Variants in STXBP5L observed in about 807,000 individuals in gnomAD.
STXBP5L encodes syntaxin binding protein 5L.
Under a neutral mutation model 144.5 loss-of-function variants are expected in STXBP5L, and 65 were observed. That is an observed-to-expected ratio of 0.45 (90% confidence interval 0.37 to 0.55). The LOEUF (loss-of-function observed/expected upper bound fraction) is 0.55, where lower values mean the gene tolerates loss of function less well. Ranked by LOEUF, STXBP5L falls within the 20% of genes least tolerant of loss-of-function variation. The pLI is 0.00. For synonymous variants in STXBP5L, 505 were observed against 469.6 expected (o/e 1.08, Z -0.97); for missense variants, 1,298 against 1,405.5 (o/e 0.92, Z 1.22).
At chr3:120,910,588 T>C (rs1559865381) in intron 2 of STXBP5L, among the ~76,000 whole-genome samples, 1 of 152,162 alleles carries the variant, frequency 6.6e-6, no homozygotes, top group South Asian at 2.1e-4. Flanking sequence ...TTATGTCATA[T>C]AAATGAATAT....
chr3:121,303,034 A>T (rs1373638131), intron 19 of STXBP5L, among the ~76,000 whole-genome samples: 3 of 152,250 alleles, frequency 2.0e-5, no homozygotes, highest in Non-Finnish European at 4.4e-5. Context: ...GATAAATGGG[A>T]TCTAATTAAG....
chr3:121,118,641 C>A (rs1039931971), intron 6 of STXBP5L, among the ~76,000 whole-genome samples: 2 of 151,428 alleles, frequency 1.3e-5, no homozygotes, highest in African/African-American at 2.4e-5. Flanking sequence ...AGGAGTACTA[C>A]CCTGAATGCA....
At chr3:121,007,439 G>A (rs1275387418) in intron 3 of STXBP5L, among the ~76,000 whole-genome samples, 1 of 152,000 alleles carries the variant, frequency 6.6e-6, no homozygotes, top group Admixed American at 6.6e-5. Context: ...TTTGGGAAGA[G>A]TTTGTGTGAA....
chr3:121,269,321 C>T (rs535056861), intron 18 of STXBP5L, among the ~76,000 whole-genome samples: 25 of 152,092 alleles, frequency 1.6e-4, no homozygotes, highest in Non-Finnish European at 3.4e-4. Flanking sequence ...TTTTGAAGAA[C>T]ATATCAAGGG....
At chr3:121,065,407 CAT>C (rs1331106926) in intron 5 of STXBP5L, among the ~76,000 whole-genome samples, 8 of 152,138 alleles carry the variant, frequency 5.3e-5, no homozygotes, top group Non-Finnish European at 7.4e-5. Flanking sequence ...AACACACACA[CAT>C]GTCTTTTGTT....
chr3:121,282,776 ATAAT>A (rs2051103602), intron 19 of STXBP5L, among the ~76,000 whole-genome samples: 2 of 152,150 alleles, frequency 1.3e-5, no homozygotes, highest in East Asian at 1.9e-4. Context: ...CTTCTTTTAA[ATAAT>A]TATATTCCTT....
chr3:121,051,037 A>C (rs533977584), intron 5 of STXBP5L, among the ~76,000 whole-genome samples: 1 of 152,256 alleles, frequency 6.6e-6, no homozygotes, highest in African/African-American at 2.4e-5. Context: ...AGAGCTAACT[A>C]TCCTAAATAT....
chr3:121,165,976 A>ATTCTC (rs57657809), intron 9 of STXBP5L, among the ~76,000 whole-genome samples: 151,998 of 152,184 alleles, frequency 1, 75,906 homozygotes, highest in Middle Eastern at 1. Flanking sequence ...GTTCCATTCT[A>ATTCTC]TTCTCAAATG....
At chr3:121,266,586 C>T (rs1305225642) in intron 18 of STXBP5L, among the ~76,000 whole-genome samples, 2 of 152,164 alleles carry the variant, frequency 1.3e-5, no homozygotes, top group African/African-American at 4.8e-5. Flanking sequence ...TGCGGTCTCT[C>T]ACCACTCCTG....
intron 20 of STXBP5L, among the ~76,000 whole-genome samples, chr3:121,340,569 A>C (rs555143805): frequency 2.7e-5 from 4 of 147,702 alleles, no homozygotes; most frequent in Admixed American, 1.4e-4. Context: ...CCCCTGAGTG[A>C]GAACATGTGG....
At chr3:121,019,385 G>A (rs1418784725) in intron 3 of STXBP5L, among the ~76,000 whole-genome samples, 1 of 152,088 alleles carries the variant, frequency 6.6e-6, no homozygotes, top group Non-Finnish European at 1.5e-5. Flanking sequence ...GTGACCACAG[G>A]GCAAGCTTGT....
intron 4 of STXBP5L, among the ~76,000 whole-genome samples, chr3:121,043,468 TG>T (rs144963543): frequency 0.13 from 19,791 of 152,152 alleles, 1,610 homozygotes; most frequent in Non-Finnish European, 0.19. Flanking sequence ...CCTAGCACTT[TG>T]GGAAGTTAAG....
intron 22 of STXBP5L, among the ~76,000 whole-genome samples, chr3:121,399,158 C>T (rs539384803): frequency 1.3e-5 from 2 of 152,294 alleles, no homozygotes; most frequent in South Asian, 2.1e-4. Context: ...CTCCTTCCTC[C>T]TCCTCATCAG....
intron 20 of STXBP5L, among the ~76,000 whole-genome samples, chr3:121,328,058 T>G (rs1449539895): frequency 6.6e-6 from 1 of 152,208 alleles, no homozygotes; most frequent in Non-Finnish European, 1.5e-5. Context: ...TGTTAGGACA[T>G]ACTATTGTGC....
intron 14 of STXBP5L, among the ~76,000 whole-genome samples, chr3:121,246,364 G>T (rs1429303661): frequency 6.6e-6 from 1 of 152,148 alleles, no homozygotes; most frequent in African/African-American, 2.4e-5. Flanking sequence ...GTGCCAAAAA[G>T]GTTGGGGAGT....
At chr3:121,289,726 ATTCACACAGTGGAATAAAC>A (rs1332998274) in intron 19 of STXBP5L, among the ~76,000 whole-genome samples, 1 of 152,174 alleles carries the variant, frequency 6.6e-6, no homozygotes, top group African/African-American at 2.4e-5. Flanking sequence ...GTGGAATAAA[ATTCACACAGTGGAATAAAC>A]TCCAAAAGGA....
At chr3:121,285,433 G>A (rs532390525) in intron 19 of STXBP5L, among the ~76,000 whole-genome samples, 7 of 152,066 alleles carry the variant, frequency 4.6e-5, no homozygotes, top group East Asian at 3.9e-4. Flanking sequence ...AACCAAGTCC[G>A]TTATTTTATA....
chr3:121,206,891 C>T (rs1163990927), intron 10 of STXBP5L, among the ~76,000 whole-genome samples: 1 of 152,092 alleles, frequency 6.6e-6, no homozygotes, highest in African/African-American at 2.4e-5. Flanking sequence ...TGGCAATACA[C>T]TCATTGAGAA....
intron 20 of STXBP5L, among the ~76,000 whole-genome samples, chr3:121,362,133 A>G (rs1312650016): frequency 6.6e-6 from 1 of 152,226 alleles, no homozygotes; most frequent in Non-Finnish European, 1.5e-5. Flanking sequence ...CTTTCTCCCA[A>G]ACATACAGAG....
Sources: gnomAD v4.1 joint callset for allele counts (sites outside exome capture counted in the v4.1 genomes callset) on GRCh38, gnomAD v4.1.1 for gene constraint, MANE v1.5 for transcripts, NCBI Gene and HGNC (gene_info 2026-07-23, HGNC 2026-07-21) for gene names.